The following AGL variants were observed in gnomAD, a reference collection of about 807,000 sequenced individuals.
AGL encodes amylo-alpha-1,6-glucosidase and 4-alpha-glucanotransferase, also known as glycogen debranching enzyme.
Under a neutral mutation model 199.3 loss-of-function variants are expected in AGL, and 128 were observed. That is an observed-to-expected ratio of 0.64 (90% CI 0.56 to 0.74). The LOEUF is 0.74. Among genes scored for constraint, AGL ranks in the 30% least tolerant of loss-of-function variants. AGL has a pLI of 0.00. For synonymous variants in AGL, 584 were observed against 594.7 expected, an observed-to-expected ratio of 0.98 and a Z score of 0.26; for missense variants, 1,809 against 1,820.8, an observed-to-expected ratio of 0.99 and a Z score of 0.12.
At chr1:99,919,623 A>G (rs1655378612) in intron 33 of AGL, among the ~76,000 whole-genome samples, 1 of 152,200 alleles carries the variant, frequency 6.6e-6, no homozygotes, top group South Asian at 2.1e-4. Flanking sequence ...ATCTCAATGT[A>G]TCCTGTCTAT....
chr1:99,871,159 G>C (rs1213419435), intron 7 of AGL, among the ~76,000 whole-genome samples: 2 of 152,164 alleles, frequency 1.3e-5, no homozygotes, highest in African/African-American at 4.8e-5. Context: ...TTAAATGTAT[G>C]AATGGGAAGT....
chr1:99,900,506 A>G (rs374709553), intron 25 of AGL, 130 bp from the exon 26 acceptor site: 1 of 847,668 alleles, frequency 1.2e-6, no homozygotes, highest in Non-Finnish European at 1.9e-6. Flanking sequence ...TACTTTCTAC[A>G]TGAAAATATA....
intron 5 of AGL, among the ~76,000 whole-genome samples, chr1:99,867,321 C>T (rs1022961702): frequency 6.6e-6 from 1 of 152,138 alleles, no homozygotes; most frequent in Non-Finnish European, 1.5e-5. Flanking sequence ...TTAGTAAGAA[C>T]AGGAGTCCTT....
At chr1:99,860,556 A>G (rs1464315259) in intron 2 of AGL, among the ~76,000 whole-genome samples, 1 of 152,140 alleles carries the variant, frequency 6.6e-6, no homozygotes, top group Non-Finnish European at 1.5e-5. Flanking sequence ...TAATGTGCTT[A>G]TTTGTTTTCG....
Position 99,920,019 on chromosome 1 carries a change from A to G in AGL, c.4482-1515A>G, listed in dbSNP as rs993188933. 5.3e-5 allele frequency among the ~76,000 whole-genome samples: 8 copies of G among 152,234 alleles called. No homozygotes were observed. The East Asian group carries it at 1.3e-3, about 26-fold the overall frequency. On this transcript the variant is annotated intron_variant, in intron 33 of 33. Transcript: ENST00000361915. Reference sequence around the variant, plus strand: ...GACTTCAGGATGAATTTTTCAGGAAAGCAAGGGAAAGGGGACTTCCTTATA... The same window carrying G: ...GACTTCAGGATGAATTTTTCAGGAAGGCAAGGGAAAGGGGACTTCCTTATA...
rs1648853319 is a variant in AGL at position 99,850,390 on chromosome 1, GA to G, written c.-92del. On this transcript the variant is annotated 5_prime_UTR_variant, in exon 1 of 34. Coordinates refer to ENST00000361915, the MANE Select transcript of AGL (RefSeq NM_000642.3). ...GAGTCGCGGGTCCTGCAGTGCCCCA[GA>G]AGCCGCACGTATAACTCCCTCGGCG... 1 of 152,816 alleles carries G rather than the reference GA, an allele frequency of 6.5e-6. No individual in the cohort carries two copies. Among genetic ancestry groups the G allele is most frequent in the Non-Finnish European group, 1.5e-5 (1 of 68,502 alleles). 9.5% of individuals were successfully genotyped at this position (152,816 alleles called of 1,614,324 possible). A position where few individuals can be genotyped will look rare whatever the true frequency, so the allele number is the denominator to read the frequency against.
chr1:99,902,698 G>A lies in AGL; in HGVS notation c.3604G>A (p.Glu1202Lys). The change falls in exon 27 of 34, where the codon GAA becomes AAA. Residue 1202 changes from glutamate (E) to lysine (K), a missense_variant. By Grantham distance (56) the Glu-to-Lys change is moderately conservative. Coordinates refer to ENST00000361915, the MANE Select transcript of AGL (RefSeq NM_000642.3). ...TCTCAAACAGGATCAGCCATTGTTTGAAGTCATACAGGAAGCAATGCAAAA... is the reference window on the plus strand; with the variant it reads ...TCTCAAACAGGATCAGCCATTGTTTAAAGTCATACAGGAAGCAATGCAAAA... ...PAGTLDQPLF[E>K]VIQEAMQKHM... 1 of 1,612,994 alleles carries A rather than the reference G, an allele frequency of 6.2e-7. No individual in the cohort carries two copies. Among genetic ancestry groups the A allele is most frequent in the Non-Finnish European group, 8.5e-7 (1 of 1,179,158 alleles).
chr1:99,873,861 T>A (rs1355950383), intron 7 of AGL, among the ~76,000 whole-genome samples: 2 of 152,196 alleles, frequency 1.3e-5, no homozygotes, highest in Non-Finnish European at 2.9e-5. Context: ...ATTATTTTGT[T>A]TTTTTGTTCG....
At chr1:99,892,361 G>T in intron 23 of AGL, 71 bp from the exon 24 acceptor site, 2 of 1,384,410 alleles carry the variant, frequency 1.4e-6, no homozygotes, top group South Asian at 2.4e-5. Flanking sequence ...TTGAAGGAAA[G>T]AAACCAAGTA....
At chr1:99,852,171 C>T (rs1256186922) in intron 2 of AGL, among the ~76,000 whole-genome samples, 1 of 152,040 alleles carries the variant, frequency 6.6e-6, no homozygotes, top group African/African-American at 2.4e-5. Flanking sequence ...GTTACACAGT[C>T]TCATGGCCTC....
chr1:99,904,475 C>G (rs567229271), intron 27 of AGL, among the ~76,000 whole-genome samples: 3 of 152,160 alleles, frequency 2.0e-5, no homozygotes, highest in Middle Eastern at 3.4e-3. Context: ...TTTACATTCA[C>G]TTGTGTGTAT....
chr1:99,854,871 TGATTAAA>T (rs1405671755), intron 2 of AGL, among the ~76,000 whole-genome samples: 1 of 151,732 alleles, frequency 6.6e-6, no homozygotes. Flanking sequence ...AAAACACATC[TGATTAAA>T]GAAAAGGATT....
chr1:99,875,825 A>T (rs1216305348), intron 10 of AGL, among the ~76,000 whole-genome samples: 1 of 111,970 alleles, frequency 8.9e-6, no homozygotes, highest in African/African-American at 3.0e-5. Context: ...CTTTACTTAG[A>T]GTCTTTTTTA....
At chr1:99,915,204 A>G (rs958379582) in intron 30 of AGL, among the ~76,000 whole-genome samples, 185 bp from the exon 31 acceptor site, 2 of 152,186 alleles carry the variant, frequency 1.3e-5, no homozygotes, top group African/African-American at 4.8e-5. Context: ...CCTAACTTCT[A>G]CGGCCAAAAA....
chr1:99,870,118 T>C (rs984716181), intron 5 of AGL, among the ~76,000 whole-genome samples: 3 of 152,138 alleles, frequency 2.0e-5, no homozygotes, highest in African/African-American at 7.2e-5. Flanking sequence ...CACTTTAGGA[T>C]GAGCCATACA....
intron 28 of AGL, 79 bp from the exon 29 acceptor site, chr1:99,912,326 C>T (rs1654803830): frequency 3.9e-6 from 4 of 1,026,802 alleles, no homozygotes; most frequent in African/African-American, 1.6e-5. Context: ...TGATTCATTA[C>T]AATTGTTTAC....
chr1:99,891,016 T>C (rs1259324017), intron 21 of AGL, among the ~76,000 whole-genome samples: 1 of 152,152 alleles, frequency 6.6e-6, no homozygotes, highest in African/African-American at 2.4e-5. Flanking sequence ...TCAGTATGCC[T>C]TTGTAACTTG....
chr1:99,881,088 T>C lies in AGL; in HGVS notation c.1912T>C (p.Tyr638His), dbSNP rs747841111. 3 of 1,613,654 alleles carry C rather than the reference T, an allele frequency of 1.9e-6. No individual in the cohort carries two copies. In the African/African-American group the frequency reaches 4.0e-5, roughly 22 times the overall value. ...TGTTGTCTTCTAGCATAGATCAGCG[T>C]ATGATGCTCTTCCAAGTACTACAAT... is the stretch of plus-strand genomic sequence containing the variant. ...NECPIVHRSA[Y>H]DALPSTTIVS... Residue 638 changes from tyrosine to histidine, a missense_variant, in exon 15 of 34, where the codon TAT becomes CAT. Tyr to His is a moderately conservative substitution (Grantham distance 83, BLOSUM62 2). Transcript: ENST00000361915.
intron 2 of AGL, among the ~76,000 whole-genome samples, chr1:99,854,617 A>T (rs1649258963): frequency 6.6e-6 from 1 of 151,946 alleles, no homozygotes; most frequent in South Asian, 2.1e-4. Context: ...AAAAAAAATT[A>T]GCCGGGCCTG....
Sources: allele counts gnomAD v4.1 joint callset (sites outside exome capture counted in the v4.1 genomes callset), GRCh38; gene constraint gnomAD v4.1.1; transcripts MANE v1.5; gene names NCBI Gene and HGNC (gene_info 2026-07-23, HGNC 2026-07-21).